GAPVD1: variants seen among roughly 807,000 people sequenced by gnomAD.
GAPVD1 encodes the protein GTPase activating protein and VPS9 domains 1, also known as GTPase-activating protein and VPS9 domain-containing protein 1.
A neutral mutation model predicts 155.5 loss-of-function variants in GAPVD1; 35 were observed. That is an observed-to-expected ratio of 0.23 (90% confidence interval 0.17 to 0.30). The LOEUF is 0.30. Among genes scored for constraint, GAPVD1 ranks in the 10% least tolerant of loss-of-function variants. The pLI is 1.00. For missense variants in GAPVD1, 1,429 were observed against 1,775.7 expected (o/e 0.80, Z 3.51); for synonymous variants, 636 against 619.7 (o/e 1.03, Z -0.39).
chr9:125,309,503 T>G (rs1842342848), intron 8 of GAPVD1, among the ~76,000 whole-genome samples: 1 of 151,968 alleles, frequency 6.6e-6, no homozygotes, highest in African/African-American at 2.4e-5. Flanking sequence ...CCCGGCTAAT[T>G]TTTATATTTT....
chr9:125,342,343 A>T (rs1564439287), intron 19 of GAPVD1, 44 bp downstream of exon 19: 2 of 1,064,452 alleles, frequency 1.9e-6, no homozygotes, highest in South Asian at 2.5e-5. Context: ...TTCCCAGAGC[A>T]CATATTTCAT....
chr9:125,289,908 AG>A (rs1838308389), intron 2 of GAPVD1, among the ~76,000 whole-genome samples: 1 of 152,186 alleles, frequency 6.6e-6, no homozygotes, highest in Admixed American at 6.6e-5. Flanking sequence ...CAGGGAGATA[AG>A]GGAACTAACA....
rs777956988 is a variant in GAPVD1 at position 125,302,213 on chromosome 9, A to G, written c.416A>G (p.Asn139Ser). 255 of 1,613,570 alleles carry G rather than the reference A, an allele frequency of 1.6e-4. No individual in the cohort carries two copies. Among genetic ancestry groups the G allele is most frequent in the Non-Finnish European group, 1.9e-4 (219 of 1,179,640 alleles). ...ACAGTTTTTACCTCCCTGTATGGCA[A>G]TTGCATCATGCAAGAAGATGAAAGC... ...IYTVFTSLYGNCIMQEDESYL... is the reference protein window; with the variant it reads ...IYTVFTSLYGSCIMQEDESYL... Residue 139 changes from asparagine to serine, a missense_variant, in exon 5 of 28, where the codon AAT (asparagine) becomes AGT (serine). Asn to Ser is a conservative substitution (Grantham distance 46). Around this residue, in one of 4 missense-constraint regions of GAPVD1, gnomAD observed 628 missense variants for 733.4 expected, o/e 0.86. Transcript: ENST00000297933.
chr9:125,327,508 G>C (rs555407018), intron 12 of GAPVD1, among the ~76,000 whole-genome samples: 1 of 151,534 alleles, frequency 6.6e-6, no homozygotes, highest in South Asian at 2.1e-4. Context: ...TTTTGTTTTT[G>C]TTTTTTTAAT....
intron 8 of GAPVD1, chr9:125,308,926 A>C (rs1221997314): frequency 6.6e-6 from 1 of 152,206 alleles, no homozygotes; most frequent in East Asian, 1.9e-4. Context: ...GTATCAGGAG[A>C]AGATCTTGGA....
At chr9:125,328,194 T>A (rs1049138395) in intron 12 of GAPVD1, among the ~76,000 whole-genome samples, 2 of 150,350 alleles carry the variant, frequency 1.3e-5, no homozygotes, top group African/African-American at 4.9e-5. Context: ...ATTTCTTTTT[T>A]TTTTTTTTTT....
intron 2 of GAPVD1, among the ~76,000 whole-genome samples, chr9:125,284,569 C>T (rs1254996953): frequency 6.6e-6 from 1 of 151,980 alleles, no homozygotes; most frequent in Non-Finnish European, 1.5e-5. Context: ...TCCTCAGCCT[C>T]CCAAAGCACT....
chr9:125,321,303 C>T, intron 9 of GAPVD1, 130 bp from the exon 10 acceptor site: 1 of 614,826 alleles, frequency 1.6e-6, no homozygotes, highest in Non-Finnish European at 2.8e-6. Context: ...GCTTGACAGA[C>T]CTTCTAAATA....
Position 125,364,179 on chromosome 9 carries a change from C to T in GAPVD1, c.*1433C>T, listed in dbSNP as rs184929181. 3.9e-5 allele frequency: 6 copies of T among 152,268 alleles called. No individual in the cohort carries two copies. The highest frequency in any genetic ancestry group is 1.2e-4 in the African/African-American group (5 of 41,544). The allele number at this position is 152,268 out of a possible 1,614,324, so 9.4% of individuals were successfully genotyped here. A position where few individuals can be genotyped will look rare whatever the true frequency, so the allele number is the denominator to read the frequency against. On this transcript the variant is annotated 3_prime_UTR_variant, in exon 28 of 28. Transcript: ENST00000297933. ...GATGAACACGGAGGCTCTCTGTTGT[C>T]TGTCTCTGAGATCTTTGTGTCTGGG...
At chr9:125,309,082 A>G (rs951062961) in intron 8 of GAPVD1, 2 of 152,186 alleles carry the variant, frequency 1.3e-5, no homozygotes, top group Non-Finnish European at 2.9e-5. Context: ...TAGTGAACAT[A>G]GTTCTTTTTA....
rs192699446 is a variant in GAPVD1, at chr9:125,321,624, T to C, written c.1732+62T>C. 3.2e-4 allele frequency: 463 copies of C among 1,441,474 alleles called. 2 individuals carry two copies. The African/African-American group carries it at 4.4e-3, about 14-fold the overall frequency. The allele number at this position is 1,441,474 out of a possible 1,614,324, so 89.3% of individuals were successfully genotyped here. Reference sequence around the variant, plus strand: ...AATTAATAGTTTGTTTTGTGTTTTTTAAAGGAGCTTATAAATTATAATTAT... The same window carrying C: ...AATTAATAGTTTGTTTTGTGTTTTTCAAAGGAGCTTATAAATTATAATTAT... On this transcript the variant is annotated intron_variant, in intron 10 of 27. Transcript: ENST00000297933.
chr9:125,360,287 A>G (rs1564478668), intron 26 of GAPVD1, among the ~76,000 whole-genome samples: 2 of 152,198 alleles, frequency 1.3e-5, no homozygotes, highest in South Asian at 2.1e-4. Context: ...TGTGCTGTTG[A>G]ATGCCCTTTT....
rs1049083792 is a variant in GAPVD1 at position 125,366,372 on chromosome 9, T to C, written c.*3626T>C. On this transcript the variant is annotated 3_prime_UTR_variant, in exon 28 of 28. Transcript: ENST00000297933. ...TCAACTAGGTGTTTTAAAATTGTTT[T>C]TCTCCTATGTGATTGGGTGTGAAGA... The C allele has an allele frequency of 2.0e-5, 3 of 152,230 alleles. No individual in the cohort carries two copies. The highest frequency in any genetic ancestry group is 2.1e-4 in the South Asian group (1 of 4,830). The allele number at this position is 152,230 out of a possible 1,614,324, so 9.4% of individuals were successfully genotyped here.
At chr9:125,324,308 C>T (rs945808439) in intron 11 of GAPVD1, among the ~76,000 whole-genome samples, 2 of 152,038 alleles carry the variant, frequency 1.3e-5, no homozygotes, top group South Asian at 2.1e-4. Flanking sequence ...ATAGGGAAAG[C>T]TGCTGGGCCC....
intron 11 of GAPVD1, among the ~76,000 whole-genome samples, chr9:125,325,297 C>T (rs1165134325): frequency 1.3e-5 from 2 of 151,140 alleles, no homozygotes; most frequent in Non-Finnish European, 2.9e-5. Context: ...CCAAGACAGG[C>T]GGATCATGAG....
chr9:125,330,382 G>A lies in GAPVD1; in HGVS notation c.2173+164G>A, dbSNP rs182433405. 2.8e-4 allele frequency among the ~76,000 whole-genome samples: 42 copies of A among 150,534 alleles called. 1 individual carries two copies. Among genetic ancestry groups the A allele is most frequent in the Admixed American group, 2.2e-3 (33 of 15,120 alleles). On this transcript the variant is annotated intron_variant, in intron 13 of 27. Transcript: ENST00000297933. ...TACCCAGGCTGGAGTGCTGTGGCGC[G>A]ATCCCAACTTACTGCAACCTCTGCC...
In GAPVD1 at chr9:125,354,662, C is replaced by A. The variant is rs1469538146; in HGVS notation, c.3578C>A (p.Ala1193Asp). The A allele has an allele frequency of 1.2e-6, 2 of 1,606,692 alleles. No homozygotes were observed. The highest frequency in any genetic ancestry group is 8.5e-7 in the Non-Finnish European group (1 of 1,173,998). The change falls in exon 24 of 28, where the codon GCC becomes GAC. Residue 1193 changes from alanine to aspartate, a missense_variant. By Grantham distance (126) the Ala-to-Asp change is moderately radical. Transcript: ENST00000297933. ...AGTATTTTTCCTTTTAGAAAAAGAGCCCCATATATTGCTTATCTCACTCGT... is the reference window on the plus strand; with the variant it reads ...AGTATTTTTCCTTTTAGAAAAAGAGACCCATATATTGCTTATCTCACTCGT... ...ASIAEDYRKR[A>D]PYIAYLTRCR... is the part of the protein sequence containing the mutation.
intron 4 of GAPVD1, among the ~76,000 whole-genome samples, chr9:125,301,544 G>A (rs751088628): frequency 1.1e-4 from 17 of 151,848 alleles, no homozygotes; most frequent in Non-Finnish European, 1.9e-4. Context: ...TACCTTCTGG[G>A]TTCAAGTGAT....
At chr9:125,339,577 T>C (rs1847538574) in intron 17 of GAPVD1, among the ~76,000 whole-genome samples, 1 of 152,330 alleles carries the variant, frequency 6.6e-6, no homozygotes, top group Non-Finnish European at 1.5e-5. Flanking sequence ...GGAGTGTTGC[T>C]GCTCCCAGGA....
Sources: allele counts gnomAD v4.1 joint callset (sites outside exome capture counted in the v4.1 genomes callset), GRCh38; gene constraint gnomAD v4.1.1; regional missense constraint gnomAD v4.1.1; transcripts MANE v1.5; gene names NCBI Gene and HGNC (gene_info 2026-07-23, HGNC 2026-07-21).